SPRED1: variants seen among roughly 807,000 people sequenced by gnomAD.
SPRED1 encodes sprouty related EVH1 domain containing 1, also known as sprouty-related, EVH1 domain-containing protein 1.
SPRED1 carries 18 observed loss-of-function variants against 52.3 expected under a neutral mutation model. The observed-to-expected ratio is 0.34, with a 90% CI of 0.24 to 0.51. The LOEUF (loss-of-function observed/expected upper bound fraction) is 0.51, where lower values mean the gene tolerates loss of function less well. Among genes scored for constraint, SPRED1 ranks in the 20% least tolerant of loss-of-function variants. SPRED1 has a pLI of 0.97. For synonymous variants in SPRED1, 155 were observed against 179.7 expected, an observed-to-expected ratio of 0.86 and a Z score of 1.10; for missense variants, 485 against 551.0, an observed-to-expected ratio of 0.88 and a Z score of 1.20.
At chr15:38,279,020 G>T (rs1391906259) in intron 1 of SPRED1, among the ~76,000 whole-genome samples, 2 of 152,008 alleles carry the variant, frequency 1.3e-5, no homozygotes, top group African/African-American at 4.8e-5. Context: ...TAGAGACAGG[G>T]TTTCACCATG....
intron 1 of SPRED1, among the ~76,000 whole-genome samples, chr15:38,271,755 A>G (rs1257541263): frequency 1.3e-5 from 2 of 152,208 alleles, no homozygotes; most frequent in Non-Finnish European, 2.9e-5. Flanking sequence ...TTCATTAAAA[A>G]AATTTCCATT....
At chr15:38,253,450 G>A (rs573093915) in intron 1 of SPRED1, among the ~76,000 whole-genome samples, 18 of 152,218 alleles carry the variant, frequency 1.2e-4, no homozygotes, top group African/African-American at 4.1e-4. Context: ...GGAGAGGATG[G>A]CAATTGTACG....
intron 4 of SPRED1, among the ~76,000 whole-genome samples, chr15:38,339,210 T>C (rs1279855943): frequency 4.6e-5 from 7 of 152,134 alleles, no homozygotes; most frequent in Admixed American, 3.3e-4. Flanking sequence ...CTAAGTCTAA[T>C]AAGAGTACAT....
In SPRED1 at chr15:38,322,386, G is replaced by C. The variant is rs373381933; in HGVS notation, c.353G>C (p.Arg118Thr). Residue 118 changes from arginine to threonine, a missense_variant, in exon 3 of 7, where the codon AGA becomes ACA. Around this residue, in one of 5 missense-constraint regions of SPRED1, gnomAD observed 232 missense variants for 231.8 expected, o/e 1.00. Coordinates refer to ENST00000299084, the MANE Select transcript of SPRED1 (RefSeq NM_152594.3). ...AGGGCTTTTGATAGAGGTATCCGAA[G>C]AGCTATAGAGGATATTTCTCAAGGT... ...DARAFDRGIR[R>T]AIEDISQGCP... The C allele has an allele frequency of 9.9e-6, 16 of 1,613,634 alleles. No individual in the cohort carries two copies. The highest frequency in any genetic ancestry group is 1.4e-5 in the Non-Finnish European group (16 of 1,179,828).
chr15:38,344,709 A>G (rs1350531775), intron 5 of SPRED1, among the ~76,000 whole-genome samples: 2 of 152,128 alleles, frequency 1.3e-5, no homozygotes, highest in African/African-American at 2.4e-5. Flanking sequence ...TCTACCTCCT[A>G]GAGTTGTTAT....
chr15:38,273,003 T>G (rs1479586992), intron 1 of SPRED1, among the ~76,000 whole-genome samples: 1 of 152,234 alleles, frequency 6.6e-6, no homozygotes, highest in East Asian at 1.9e-4. Context: ...GTTGATAGTT[T>G]CCTTTGCTGT....
chr15:38,294,460 G>T (rs3933169), intron 1 of SPRED1, among the ~76,000 whole-genome samples: 125,596 of 152,118 alleles, frequency 0.83, 52,603 homozygotes, highest in Non-Finnish European at 0.9. Context: ...CTCCTTTGTA[G>T]TAGTTTCCTG....
At chr15:38,279,740 G>A (rs771641212) in intron 1 of SPRED1, among the ~76,000 whole-genome samples, 44 of 152,190 alleles carry the variant, frequency 2.9e-4, no homozygotes, top group Non-Finnish European at 5.6e-4. Context: ...TGTTGAGTGC[G>A]TGTTAATATT....
In SPRED1 at chr15:38,349,289, C is replaced by G. The variant is rs902023448; in HGVS notation, c.583-133C>G. ...GTGTTTTAGGTGGGGGGAAATGATT[C>G]TATTTTTATTCTCAAAACCGTTTTT... On this transcript the variant is annotated intron_variant, in intron 5 of 6. Coordinates refer to ENST00000299084, the MANE Select transcript of SPRED1 (RefSeq NM_152594.3). The G allele has an allele frequency of 4.6e-6, 3 of 650,294 alleles. No homozygotes were observed. In the African/African-American group the frequency reaches 5.5e-5, roughly 12 times the overall value. The allele number at this position is 650,294 out of a possible 1,614,324, so 40.3% of individuals were successfully genotyped here.
chr15:38,351,328 T>C lies in SPRED1; in HGVS notation c.999T>C (p.Ser333=), dbSNP rs1888480574. 1.2e-6 allele frequency: 2 copies of C among 1,614,032 alleles called. No homozygotes were observed. The highest frequency in any genetic ancestry group is 2.7e-5 in the African/African-American group (2 of 74,938). Residue 333 remains serine, a synonymous_variant, in exon 7 of 7, where the codon TCT becomes TCC. Coordinates refer to ENST00000299084, the MANE Select transcript of SPRED1 (RefSeq NM_152594.3). ...GAAGAAAAGAGGATGGTGAACGTTC[T>C]CGCTGCGTATACTGCCAGGAAAGGT... ...SKRRKEDGER[S]RCVYCQERFN...
In SPRED1 at chr15:38,354,271, G is replaced by A. The variant is rs1352699897; in HGVS notation, c.*2607G>A. On this transcript the variant is annotated 3_prime_UTR_variant, in exon 7 of 7. Transcript: ENST00000299084. ...GGAACATTTTCTCATTCTCTGTACA[G>A]ATTCGGCACTGCCAATTGGCTTTTC... 1 of 152,190 alleles carries A rather than the reference G, an allele frequency of 6.6e-6. No homozygotes were observed. The allele number at this position is 152,190 out of a possible 1,614,324, so 9.4% of individuals were successfully genotyped here.
intron 1 of SPRED1, among the ~76,000 whole-genome samples, chr15:38,263,980 A>G (rs1385566428): frequency 6.6e-6 from 1 of 152,204 alleles, no homozygotes; most frequent in Non-Finnish European, 1.5e-5. Flanking sequence ...GAGAAGTCAT[A>G]GAGTAGATGC....
intron 6 of SPRED1, among the ~76,000 whole-genome samples, chr15:38,350,803 C>G (rs1246937800): frequency 6.6e-6 from 1 of 152,116 alleles, no homozygotes; most frequent in Non-Finnish European, 1.5e-5. Flanking sequence ...GTAAAGCCTT[C>G]AACTGATTTT....
intron 1 of SPRED1, among the ~76,000 whole-genome samples, chr15:38,259,583 C>T (rs1162620417): frequency 6.6e-6 from 1 of 152,208 alleles, no homozygotes; most frequent in Non-Finnish European, 1.5e-5. Flanking sequence ...TGGCCTCCAT[C>T]TGTGGATGAA....
intron 2 of SPRED1, among the ~76,000 whole-genome samples, chr15:38,305,567 GA>G (rs1285918514): frequency 6.6e-6 from 1 of 151,898 alleles, no homozygotes; most frequent in Non-Finnish European, 1.5e-5. Flanking sequence ...GTGCTAAGGG[GA>G]AAAAACGTAG....
chr15:38,256,895 C>T (rs1462218652), intron 1 of SPRED1, among the ~76,000 whole-genome samples: 1 of 151,856 alleles, frequency 6.6e-6, no homozygotes, highest in East Asian at 1.9e-4. Context: ...TAATATTAAG[C>T]CATCTAATGT....
intron 4 of SPRED1, among the ~76,000 whole-genome samples, chr15:38,337,103 CATT>C (rs1328767641): frequency 2.6e-5 from 4 of 151,794 alleles, no homozygotes; most frequent in Admixed American, 2.0e-4. Context: ...TTTTTTATTG[CATT>C]ATTATTAAAA....
intron 5 of SPRED1, among the ~76,000 whole-genome samples, chr15:38,342,045 C>T (rs11858392): frequency 0.74 from 102,919 of 139,954 alleles, 38,519 homozygotes; most frequent in Non-Finnish European, 0.8. Flanking sequence ...TTTTTTTTTC[C>T]CCCAGGGTGT....
At chr15:38,327,513 G>T (rs1046263737) in intron 4 of SPRED1, among the ~76,000 whole-genome samples, 5 of 152,128 alleles carry the variant, frequency 3.3e-5, no homozygotes, top group African/African-American at 1.2e-4. Flanking sequence ...TCTGGGAGAA[G>T]CCAGCCACTA....
Sources: allele counts gnomAD v4.1 joint callset (sites outside exome capture counted in the v4.1 genomes callset), GRCh38; gene constraint gnomAD v4.1.1; regional missense constraint gnomAD v4.1.1; transcripts MANE v1.5; gene names NCBI Gene and HGNC (gene_info 2026-07-23, HGNC 2026-07-21).